The following PLA2R1 variants were observed in gnomAD, a reference collection of about 807,000 sequenced individuals.
PLA2R1 encodes secretory phospholipase A2 receptor.
A neutral mutation model predicts 195.9 loss-of-function variants in PLA2R1; 158 were observed. The ratio of observed to expected loss-of-function variants is 0.81; its 90% confidence interval spans 0.71 to 0.92. The LOEUF is 0.92. PLA2R1 is among the 40% of genes least tolerant of loss of function. The probability of loss-of-function intolerance (pLI) is 0.00; values close to 1 mark genes in which losing one functional copy is unlikely to be tolerated. For missense variants in PLA2R1, 1,626 were observed against 1,764.6 expected, an observed-to-expected ratio of 0.92 and a Z score of 1.41; for synonymous variants, 586 against 598.2, an observed-to-expected ratio of 0.98 and a Z score of 0.30.
Position 160,030,087 on chromosome 2 carries a change from G to C in PLA2R1, c.842-1124C>G, listed in dbSNP as rs1329187925. On this transcript the variant is annotated intron_variant, in intron 4 of 29. Coordinates refer to ENST00000283243, the MANE Select transcript of PLA2R1 (RefSeq NM_007366.5). ...CAAAAGAATCTCAGTTTGGATGATA[G>C]ACTGTATGATTACCCAGGTTGTGAA... Among the ~76,000 whole-genome samples, 4 of 152,148 alleles carry C rather than the reference G, an allele frequency of 2.6e-5. No individual in the cohort carries two copies. In the East Asian group the frequency reaches 7.7e-4, roughly 29 times the overall value.
At chr2:160,003,238 A>G (rs1173014714) in intron 11 of PLA2R1, among the ~76,000 whole-genome samples, 1 of 152,046 alleles carries the variant, frequency 6.6e-6, no homozygotes, top group Non-Finnish European at 1.5e-5. Context: ...AACTATAAAA[A>G]TATAAGGTTA....
chr2:160,022,306 G>A (rs1174449664), intron 7 of PLA2R1, among the ~76,000 whole-genome samples: 1 of 151,594 alleles, frequency 6.6e-6, no homozygotes, highest in East Asian at 1.9e-4. Flanking sequence ...TGCCTAAGGG[G>A]TTCCCTTTAT....
intron 3 of PLA2R1, among the ~76,000 whole-genome samples, chr2:160,035,309 C>T (rs1340632850): frequency 6.6e-6 from 1 of 152,180 alleles, no homozygotes; most frequent in African/African-American, 2.4e-5. Flanking sequence ...GTCATAGACA[C>T]TGTGATGTGC....
At chr2:160,062,180 C>T (rs1472489724) in intron 1 of PLA2R1, 115 bp downstream of exon 1, 1 of 768,112 alleles carries the variant, frequency 1.3e-6, no homozygotes, top group Non-Finnish European at 2.0e-6. Context: ...CCTACAAACG[C>T]GGCCGCCCTT....
intron 11 of PLA2R1, among the ~76,000 whole-genome samples, chr2:160,003,209 T>C (rs1445717310): frequency 6.6e-6 from 1 of 151,988 alleles, no homozygotes; most frequent in Non-Finnish European, 1.5e-5. Context: ...TCAATCAAAA[T>C]TATACATTTA....
rs1409265136 is a variant in PLA2R1 at position 159,935,102 on chromosome 2, C to T, written c.*6676G>A. The T allele has an allele frequency of 2.0e-5, 3 of 152,044 alleles. No individual in the cohort carries two copies. Among genetic ancestry groups the T allele is most frequent in the African/African-American group, 7.2e-5 (3 of 41,392 alleles). The allele number at this position is 152,044 out of a possible 1,614,324, so 9.4% of individuals were successfully genotyped here. A position where few individuals can be genotyped will look rare whatever the true frequency, so the allele number is the denominator to read the frequency against. ...AGATTATGCATTTTGGGGAGGATAC[C>T]AAAGAAGTCATGTGCCCTTCTCAAT... On this transcript the variant is annotated 3_prime_UTR_variant, in exon 30 of 30. Coordinates refer to ENST00000283243, the MANE Select transcript of PLA2R1 (RefSeq NM_007366.5).
At chr2:159,995,912 A>G (rs142576299) in intron 11 of PLA2R1, among the ~76,000 whole-genome samples, 57 of 152,180 alleles carry the variant, frequency 3.7e-4, no homozygotes, top group African/African-American at 1.3e-3. Context: ...AGGACACATC[A>G]CAGTCACCCA....
intron 23 of PLA2R1, among the ~76,000 whole-genome samples, 189 bp downstream of exon 23, chr2:159,955,010 C>T (rs1275185406): frequency 1.3e-5 from 2 of 152,128 alleles, no homozygotes; most frequent in Non-Finnish European, 2.9e-5. Flanking sequence ...CTTAGAATCC[C>T]ACTAAAGGGC....
Position 159,933,228 on chromosome 2 carries a change from C to T in PLA2R1, c.*8550G>A, listed in dbSNP as rs889302573. 28 of 152,164 alleles carry T rather than the reference C, an allele frequency of 1.8e-4. No individual in the cohort carries two copies. The highest frequency in any genetic ancestry group is 5.9e-5 in the Non-Finnish European group (4 of 68,024). 9.4% of individuals were successfully genotyped at this position (152,164 alleles called of 1,614,324 possible). On this transcript the variant is annotated 3_prime_UTR_variant, in exon 30 of 30. Transcript: ENST00000283243. ...CTGAGTAAAGAAGGTCACCGGTATA[C>T]ATAGGGTTCATTTTGTGGTTTTAGT...
chr2:159,963,619 C>T (rs1415372406), intron 20 of PLA2R1, among the ~76,000 whole-genome samples: 1 of 152,052 alleles, frequency 6.6e-6, no homozygotes, highest in Admixed American at 6.6e-5. Context: ...AAACAAATGG[C>T]TAACAAGCAC....
At chr2:159,965,666 T>A (rs1444411176) in intron 20 of PLA2R1, among the ~76,000 whole-genome samples, 1 of 152,162 alleles carries the variant, frequency 6.6e-6, no homozygotes, top group Non-Finnish European at 1.5e-5. Flanking sequence ...CCAAGGAGTG[T>A]GATTGCTGGA....
chr2:159,946,922 A>C lies in PLA2R1; in HGVS notation c.3851-5T>G, dbSNP rs770544560. ...TGATTGTTAAAAGATTAGAACCTAT[A>C]AGAGAGACAAGTAGCAAAGGAATAT... On this transcript the variant is annotated splice_region_variant and splice_polypyrimidine_tract_variant and intron_variant, in intron 26 of 29. Transcript: ENST00000283243. 2.0e-6 allele frequency: 3 copies of C among 1,537,868 alleles called. No homozygotes were observed. Among genetic ancestry groups the C allele is most frequent in the South Asian group, 2.3e-5 (2 of 86,386 alleles).
chr2:159,946,364 C>T (rs1408419472), intron 27 of PLA2R1: 4 of 985,046 alleles, frequency 4.1e-6, no homozygotes, highest in Non-Finnish European at 4.8e-6. Context: ...ACCATGCTTC[C>T]ATTTTATTAC....
chr2:159,951,240 G>C (rs1687720382), intron 24 of PLA2R1, 100 bp downstream of exon 24: 1 of 711,162 alleles, frequency 1.4e-6, no homozygotes, highest in South Asian at 1.7e-5. Flanking sequence ...AATATTTTTG[G>C]GATCTTTTTT....
chr2:159,926,315 G>T, the PLA2R1 span, among the ~76,000 whole-genome samples: 1 of 152,276 alleles, frequency 6.6e-6, no homozygotes, highest in South Asian at 2.1e-4. Flanking sequence ...ATAAATGACT[G>T]CTTTTTATAG....
chr2:159,987,397 T>C (rs779919124), intron 11 of PLA2R1, 39 bp from the exon 12 acceptor site: 2 of 1,451,090 alleles, frequency 1.4e-6, no homozygotes, highest in South Asian at 2.4e-5. Flanking sequence ...ACCAGACGAC[T>C]AAAACGTTTT....
chr2:159,966,730 G>A (rs969704478), intron 20 of PLA2R1, among the ~76,000 whole-genome samples: 1 of 152,020 alleles, frequency 6.6e-6, no homozygotes, highest in African/African-American at 2.4e-5. Context: ...AATTGAAGAG[G>A]AATTTCATAT....
chr2:159,986,515 C>A (rs990623305), intron 12 of PLA2R1, among the ~76,000 whole-genome samples: 4 of 152,040 alleles, frequency 2.6e-5, no homozygotes, highest in Admixed American at 2.6e-4. Context: ...AGAGTCCTCC[C>A]CCAGGAGTGA....
intron 1 of PLA2R1, among the ~76,000 whole-genome samples, chr2:160,053,468 G>A (rs1348328333): frequency 6.6e-6 from 1 of 152,102 alleles, no homozygotes; most frequent in African/African-American, 2.4e-5. Flanking sequence ...ACATGGGGAA[G>A]TCAAGTCAAT....
Sources: gnomAD v4.1 joint callset for allele counts (sites outside exome capture counted in the v4.1 genomes callset) on GRCh38, gnomAD v4.1.1 for gene constraint, MANE v1.5 for transcripts, NCBI Gene and HGNC (gene_info 2026-07-23, HGNC 2026-07-21) for gene names.